The following ZC3H12C variants were observed in gnomAD, a reference collection of about 807,000 sequenced individuals.
ZC3H12C encodes zinc finger CCCH-type containing 12C, also known as probable ribonuclease ZC3H12C.
A neutral mutation model predicts 76.3 loss-of-function variants in ZC3H12C; 20 were observed. That is an observed-to-expected ratio of 0.26 (90% confidence interval 0.18 to 0.38). The LOEUF (loss-of-function observed/expected upper bound fraction) is 0.38. ZC3H12C is among the 10% of genes least tolerant of loss of function. The pLI is 1.00. For missense variants in ZC3H12C, 874 were observed against 1,086.5 expected (o/e 0.80, Z 2.75); for synonymous variants, 352 against 399.6 (o/e 0.88, Z 1.42).
chr11:110,148,949 C>G (rs2134187894), intron 2 of ZC3H12C, among the ~76,000 whole-genome samples: 1 of 152,300 alleles, frequency 6.6e-6, no homozygotes, highest in African/African-American at 2.4e-5. Context: ...ATCAGTACCT[C>G]CTCTAGTTGT....
chr11:110,159,542 T>C lies in ZC3H12C; in HGVS notation c.1148+52T>C, dbSNP rs771692180. 4.2e-6 allele frequency: 6 copies of C among 1,419,012 alleles called. No individual in the cohort carries two copies. The South Asian group carries it at 5.0e-5, about 12-fold the overall frequency. The allele number at this position is 1,419,012 out of a possible 1,614,324, so 87.9% of individuals were successfully genotyped here. On this transcript the variant is annotated intron_variant, in intron 4 of 5. Coordinates refer to ENST00000278590, the MANE Select transcript of ZC3H12C (RefSeq NM_033390.2). ...GATACTGCTTCTGTAAAAATATAAC[T>C]ATCCCTGGCAGCTGCTACAGAATTC...
intron 5 of ZC3H12C, 63 bp downstream of exon 5, chr11:110,163,442 T>G: frequency 1.1e-5 from 15 of 1,366,982 alleles, no homozygotes; most frequent in Admixed American, 2.5e-5. Flanking sequence ...TAAACTTTTG[T>G]TAACAAAAAT....
At chr11:110,121,328 A>G (rs1861647477) in intron 1 of ZC3H12C, among the ~76,000 whole-genome samples, 2 of 152,216 alleles carry the variant, frequency 1.3e-5, no homozygotes, top group Non-Finnish European at 2.9e-5. Flanking sequence ...TGGTGGGGAT[A>G]CTTCAGAAAG....
At position 110,096,185 on chromosome 11, in the gene ZC3H12C, A is replaced by AT. The variant is rs530832434; in HGVS notation, c.21+2759dup. 4.0e-3 allele frequency among the ~76,000 whole-genome samples: 602 copies of AT among 152,312 alleles called. 6 individuals carry two copies. Among genetic ancestry groups the AT allele is most frequent in the African/African-American group, 0.014 (577 of 41,570 alleles). ...GAAAGGATGATCAATCAAGAATGTG[A>AT]TTTTTTAAGAAAGATCTATTTCACC... On this transcript the variant is annotated intron_variant, in intron 1 of 5. Coordinates refer to ENST00000278590, the MANE Select transcript of ZC3H12C (RefSeq NM_033390.2).
intron 4 of ZC3H12C, among the ~76,000 whole-genome samples, chr11:110,162,588 G>C (rs1862500054): frequency 6.6e-6 from 1 of 152,158 alleles, no homozygotes; most frequent in Admixed American, 6.5e-5. Flanking sequence ...ATCCAAAATA[G>C]TAGGTTTATT....
chr11:110,127,136 C>T (rs2134167719), intron 1 of ZC3H12C, among the ~76,000 whole-genome samples: 1 of 152,282 alleles, frequency 6.6e-6, no homozygotes, highest in South Asian at 2.1e-4. Context: ...ACGCTTTCAA[C>T]AGTACTTTCT....
rs1197590274 is a variant in ZC3H12C, at chr11:110,165,865, T to C, written c.*128T>C. The C allele has an allele frequency of 1.1e-6, 1 of 881,428 alleles. No homozygotes were observed. Among genetic ancestry groups the C allele is most frequent in the East Asian group, 2.7e-5 (1 of 37,708 alleles). 54.6% of individuals were successfully genotyped at this position (881,428 alleles called of 1,614,324 possible). A position where few individuals can be genotyped will look rare whatever the true frequency, so the allele number is the denominator to read the frequency against. ...TTATATAGTATCCATTTATGTGAAA[T>C]ACTGTATCATGGAATCTGTATGTAT... On this transcript the variant is annotated 3_prime_UTR_variant, in exon 6 of 6. Coordinates refer to ENST00000278590, the MANE Select transcript of ZC3H12C (RefSeq NM_033390.2).
intron 4 of ZC3H12C, 50 bp from the exon 5 acceptor site, chr11:110,163,223 A>T: frequency 6.8e-7 from 1 of 1,471,374 alleles, no homozygotes; most frequent in Non-Finnish European, 9.2e-7. Flanking sequence ...TTTAGAATTA[A>T]ATTATCAGCC....
chr11:110,112,056 C>T (rs960029177), intron 1 of ZC3H12C, among the ~76,000 whole-genome samples: 3 of 152,222 alleles, frequency 2.0e-5, no homozygotes, highest in Non-Finnish European at 2.9e-5. Flanking sequence ...AGGAGGTCCA[C>T]AGACCAGGAA....
chr11:110,111,424 C>CA (rs11348279), intron 1 of ZC3H12C, among the ~76,000 whole-genome samples: 45 of 149,870 alleles, frequency 3.0e-4, no homozygotes, highest in African/African-American at 7.8e-4. Context: ...TTTGTTATCT[C>CA]AAAAAAAAAA....
At position 110,164,223 on chromosome 11, in the gene ZC3H12C, C is replaced by A; in HGVS notation, c.1256-118C>A. ...CTCAAGAGTAAAGAACAGAGTGACA[C>A]TTAGCACAGCTCCCATTTCTATCGT... On this transcript the variant is annotated intron_variant, in intron 5 of 5. Coordinates refer to ENST00000278590, the MANE Select transcript of ZC3H12C (RefSeq NM_033390.2). The surrounding 1 kb of genome is among the most constrained non-coding windows in gnomAD (Gnocchi z 5.7). The A allele has an allele frequency of 1.1e-6, 1 of 910,230 alleles. No homozygotes were observed. The highest frequency in any genetic ancestry group is 1.6e-6 in the Non-Finnish European group (1 of 618,708). 56.4% of individuals were successfully genotyped at this position (910,230 alleles called of 1,614,324 possible). A position where few individuals can be genotyped will look rare whatever the true frequency, so the allele number is the denominator to read the frequency against.
chr11:110,137,474 T>G, intron 2 of ZC3H12C, 60 bp downstream of exon 2: 1 of 1,488,500 alleles, frequency 6.7e-7, no homozygotes, highest in African/African-American at 1.4e-5. Flanking sequence ...GCCTTATTTC[T>G]AATTTTGTGG....
At chr11:110,112,047 G>T (rs1307544307) in intron 1 of ZC3H12C, among the ~76,000 whole-genome samples, 2 of 152,166 alleles carry the variant, frequency 1.3e-5, no homozygotes, top group Non-Finnish European at 2.9e-5. Context: ...GGATAAGGAA[G>T]GAGGTCCACA....
Position 110,164,246 on chromosome 11 carries a change from CGTT to C in ZC3H12C, c.1256-92_1256-90del, listed in dbSNP as rs1259435529. The C allele has an allele frequency of 1.8e-5, 20 of 1,120,160 alleles. No homozygotes were observed. Among genetic ancestry groups the C allele is most frequent in the Admixed American group, 5.6e-5 (2 of 35,926 alleles). The allele number at this position is 1,120,160 out of a possible 1,614,324, so 69.4% of individuals were successfully genotyped here. ...CACTTAGCACAGCTCCCATTTCTAT[CGTT>C]GTCTCTTCTACAAGTTAAAATCATA... On this transcript the variant is annotated intron_variant, in intron 5 of 5. Coordinates refer to ENST00000278590, the MANE Select transcript of ZC3H12C (RefSeq NM_033390.2). This position sits in a 1 kb window ranked among gnomAD's most constrained non-coding sequence, Gnocchi z 5.7.
intron 3 of ZC3H12C, among the ~76,000 whole-genome samples, chr11:110,154,972 A>C (rs1862349018): frequency 6.6e-6 from 1 of 152,146 alleles, no homozygotes; most frequent in Non-Finnish European, 1.5e-5. Flanking sequence ...AAATCTAAAC[A>C]ATGTTATTTT....
At chr11:110,097,480 A>G (rs1023477032) in intron 1 of ZC3H12C, among the ~76,000 whole-genome samples, 4 of 152,172 alleles carry the variant, frequency 2.6e-5, no homozygotes, top group Non-Finnish European at 5.9e-5. Flanking sequence ...CACTTGGTTT[A>G]CTGCATTGTG....
intron 4 of ZC3H12C, among the ~76,000 whole-genome samples, chr11:110,160,781 A>C (rs1170377902): frequency 1.3e-5 from 2 of 152,248 alleles, no homozygotes; most frequent in Admixed American, 6.5e-5. Context: ...AAAAACAAAA[A>C]GTATAATATA....
At chr11:110,155,480 A>AGTACAGAC (rs1862360160) in intron 3 of ZC3H12C, among the ~76,000 whole-genome samples, 1 of 152,164 alleles carries the variant, frequency 6.6e-6, no homozygotes. Flanking sequence ...AATAAGCAGA[A>AGTACAGAC]GTACAGACAA....
chr11:110,103,669 G>A (rs1051699570), intron 1 of ZC3H12C, among the ~76,000 whole-genome samples: 3 of 150,350 alleles, frequency 2.0e-5, no homozygotes, highest in South Asian at 2.1e-4. Flanking sequence ...GCAGTGGTGC[G>A]AACTCGGCTC....
Sources: allele counts gnomAD v4.1 joint callset (sites outside exome capture counted in the v4.1 genomes callset), GRCh38; gene constraint gnomAD v4.1.1; non-coding constraint Gnocchi (gnomAD v3.1); transcripts MANE v1.5; gene names NCBI Gene and HGNC (gene_info 2026-07-23, HGNC 2026-07-21).